CCDC146: variants seen among roughly 807,000 people sequenced by gnomAD.
CCDC146 encodes coiled-coil domain containing 146.
A neutral mutation model predicts 119.3 loss-of-function variants in CCDC146; 92 were observed. That is an observed-to-expected ratio of 0.77 (90% CI 0.65 to 0.92). The LOEUF is 0.92. Ranked by LOEUF, CCDC146 falls within the 40% of genes least tolerant of loss-of-function variation. The pLI is 0.00. For synonymous variants in CCDC146, 372 were observed against 371.8 expected (o/e 1.00, Z -0.01); for missense variants, 1,000 against 1,103.0 (o/e 0.91, Z 1.32).
intron 2 of CCDC146, among the ~76,000 whole-genome samples, chr7:77,226,675 A>T (rs549272098): frequency 6.6e-6 from 1 of 152,358 alleles, no homozygotes; most frequent in African/African-American, 2.4e-5. Context: ...ATGACATTAT[A>T]TCTAACCTTT....
In CCDC146 at chr7:77,190,871, T is replaced by A. The variant is rs531760775; in HGVS notation, c.156+23047T>A. ...GTCTTTATTTTAATCTGTAACTTTT[T>A]AAAAAATTAAAGGATTCATGGATTT... is the stretch of plus-strand genomic sequence containing the variant. On this transcript the variant is annotated intron_variant, in intron 2 of 18. Transcript: ENST00000285871. Among the ~76,000 whole-genome samples, 396 of 152,322 alleles carry A rather than the reference T, an allele frequency of 2.6e-3. 4 individuals are homozygous for A. The highest frequency in any genetic ancestry group is 9.3e-3 in the African/African-American group (387 of 41,564).
intron 2 of CCDC146, among the ~76,000 whole-genome samples, chr7:77,211,064 A>G (rs1321825060): frequency 2.0e-5 from 3 of 152,228 alleles, no homozygotes; most frequent in African/African-American, 7.2e-5. Flanking sequence ...TGTGAAGTAT[A>G]TTAGATATAC....
intron 2 of CCDC146, among the ~76,000 whole-genome samples, chr7:77,226,290 G>A (rs1792512311): frequency 6.6e-6 from 1 of 152,202 alleles, no homozygotes; most frequent in Admixed American, 6.5e-5. Flanking sequence ...AAGCATGCCA[G>A]CCATTCCCCA....
At chr7:77,173,529 T>G (rs926652624) in intron 2 of CCDC146, among the ~76,000 whole-genome samples, 5 of 152,086 alleles carry the variant, frequency 3.3e-5, no homozygotes, top group Non-Finnish European at 7.4e-5. Flanking sequence ...CTCAGGAGGC[T>G]GAGGCAGGAG....
intron 3 of CCDC146, among the ~76,000 whole-genome samples, chr7:77,238,519 C>T (rs1792782018): frequency 6.6e-6 from 1 of 152,104 alleles, no homozygotes; most frequent in Admixed American, 6.5e-5. Context: ...CAGGTTCACG[C>T]CATTCTCCTG....
intron 4 of CCDC146, among the ~76,000 whole-genome samples, chr7:77,245,970 AAG>A (rs1393510417): frequency 6.6e-6 from 1 of 152,226 alleles, no homozygotes; most frequent in Non-Finnish European, 1.5e-5. Context: ...ATTACTCAAA[AAG>A]AAGCACCTGA....
intron 1 of CCDC146, among the ~76,000 whole-genome samples, chr7:77,160,948 C>T (rs893268035): frequency 2.0e-5 from 3 of 152,042 alleles, no homozygotes; most frequent in African/African-American, 7.2e-5. Context: ...AAGAAAAAAA[C>T]AAACAACCCC....
At chr7:77,123,768 A>T (rs980684806) in intron 1 of CCDC146, among the ~76,000 whole-genome samples, 1 of 152,144 alleles carries the variant, frequency 6.6e-6, no homozygotes, top group African/African-American at 2.4e-5. Context: ...CTACCTTTTT[A>T]AAATTTTTAA....
intron 2 of CCDC146, among the ~76,000 whole-genome samples, chr7:77,227,062 C>G (rs1584090694): frequency 2.0e-5 from 3 of 152,222 alleles, no homozygotes; most frequent in Non-Finnish European, 4.4e-5. Flanking sequence ...CAAAGTTTAT[C>G]AACTAACATT....
Position 77,241,873 on chromosome 7 carries a change from A to C in CCDC146, c.422A>C (p.Glu141Ala). The C allele has an allele frequency of 6.2e-7, 1 of 1,613,706 alleles. No homozygotes were observed. The highest frequency in any genetic ancestry group is 1.3e-5 in the African/African-American group (1 of 75,046). ...QNEYNAVKEREFHNQYRLNSL... is the reference protein window; with the variant it reads ...QNEYNAVKERAFHNQYRLNSL... ...GAATATAATGCAGTGAAGGAAAGAG[A>C]GTTCCATAATCAGTACAGATTAAAT... Residue 141 changes from glutamate to alanine, a missense_variant, in exon 4 of 19, where the codon GAG (glutamate) becomes GCG (alanine). By Grantham distance (107) the Glu-to-Ala change is moderately radical. This residue lies in a region of CCDC146 where 985 missense variants were observed against 1,045.3 expected (regional missense o/e 0.94). Transcript: ENST00000285871.
chr7:77,163,245 C>A (rs1315356207), intron 1 of CCDC146, among the ~76,000 whole-genome samples: 1 of 152,136 alleles, frequency 6.6e-6, no homozygotes, highest in Non-Finnish European at 1.5e-5. Context: ...GTCAGGAGTT[C>A]AAGACCAGCA....
intron 2 of CCDC146, among the ~76,000 whole-genome samples, chr7:77,232,863 G>C (rs1310491932): frequency 6.6e-6 from 1 of 152,182 alleles, no homozygotes; most frequent in East Asian, 1.9e-4. Flanking sequence ...GGGGACATGG[G>C]CACCTCACTG....
intron 2 of CCDC146, among the ~76,000 whole-genome samples, chr7:77,229,228 T>C (rs1792574864): frequency 6.6e-6 from 1 of 152,250 alleles, no homozygotes; most frequent in African/African-American, 2.4e-5. Context: ...ATTAGACCTT[T>C]GTCGGATGCA....
At position 77,294,847 on chromosome 7, in the gene CCDC146, T is replaced by G. The variant is rs751478343; in HGVS notation, c.2849T>G (p.Ile950Arg). Residue 950 changes from isoleucine (I) to arginine (R), a missense_variant, in exon 19 of 19, where the codon ATA becomes AGA. This residue lies in a region of CCDC146 where 985 missense variants were observed against 1,045.3 expected (regional missense o/e 0.94). Transcript: ENST00000285871. The stretch of plus-strand genomic sequence containing the variant: ...ATGAGGCACATAAGGAAACCTGTTA[T>G]AAAGCCAGTTGAAATCTGAATATGT... ...ANMRHIRKPV[I>R]KPVEI The G allele has an allele frequency of 6.2e-7, 1 of 1,613,714 alleles. No homozygotes were observed. Among genetic ancestry groups the G allele is most frequent in the Non-Finnish European group, 8.5e-7 (1 of 1,179,982 alleles).
intron 2 of CCDC146, among the ~76,000 whole-genome samples, chr7:77,233,361 G>C (rs954567506): frequency 1.3e-5 from 2 of 151,994 alleles, no homozygotes; most frequent in African/African-American, 2.4e-5. Context: ...TAAAGTGCTG[G>C]GATTACAGAC....
chr7:77,230,772 GTTT>G (rs944695257), intron 2 of CCDC146, among the ~76,000 whole-genome samples: 9 of 152,096 alleles, frequency 5.9e-5, no homozygotes, highest in African/African-American at 2.2e-4. Flanking sequence ...CATTTGCAAA[GTTT>G]TTTATTTCTT....
intron 2 of CCDC146, among the ~76,000 whole-genome samples, chr7:77,204,442 T>C (rs1285089162): frequency 1.3e-5 from 2 of 152,188 alleles, no homozygotes; most frequent in East Asian, 1.9e-4. Context: ...CATTCTGGCA[T>C]AGATGAGAGA....
intron 2 of CCDC146, among the ~76,000 whole-genome samples, chr7:77,214,366 ATAGT>A (rs1792259090): frequency 1.3e-5 from 2 of 152,176 alleles, no homozygotes; most frequent in Middle Eastern, 3.4e-3. Context: ...TGTCAGCCTG[ATAGT>A]TAGCAAATAT....
chr7:77,137,515 C>T (rs1287680372), intron 1 of CCDC146, among the ~76,000 whole-genome samples: 2 of 144,256 alleles, frequency 1.4e-5, no homozygotes, highest in Non-Finnish European at 1.5e-5. Flanking sequence ...ATTAGAACCC[C>T]TTAAAGTGAA....
Sources: gnomAD v4.1 joint callset for allele counts (sites outside exome capture counted in the v4.1 genomes callset) on GRCh38, gnomAD v4.1.1 for gene constraint, gnomAD v4.1.1 regional missense constraint, MANE v1.5 for transcripts, NCBI Gene and HGNC (gene_info 2026-07-23, HGNC 2026-07-21) for gene names.